SLMAP: variants seen among roughly 807,000 people sequenced by gnomAD.
The protein encoded by SLMAP is sarcolemmal membrane-associated protein.
A neutral mutation model predicts 128.8 loss-of-function variants in SLMAP; 44 were observed. The observed-to-expected ratio is 0.34, with a 90% CI of 0.27 to 0.44. The LOEUF (loss-of-function observed/expected upper bound fraction) is 0.44. Ranked by LOEUF, SLMAP falls within the 20% of genes least tolerant of loss-of-function variation. SLMAP has a pLI of 1.00. For synonymous variants in SLMAP, 327 were observed against 348.8 expected, an observed-to-expected ratio of 0.94 and a Z score of 0.70; for missense variants, 787 against 985.3, an observed-to-expected ratio of 0.80 and a Z score of 2.69.
intron 17 of SLMAP, among the ~76,000 whole-genome samples, chr3:57,906,202 ATC>A (rs1050320801): frequency 6.6e-5 from 10 of 151,014 alleles, no homozygotes; most frequent in African/African-American, 2.2e-4. Context: ...CACTGGAAAA[ATC>A]TCTCTCTCTA....
intron 21 of SLMAP, among the ~76,000 whole-genome samples, chr3:57,913,668 T>C (rs1188186402): frequency 6.6e-6 from 1 of 152,184 alleles, no homozygotes; most frequent in Non-Finnish European, 1.5e-5. Context: ...TAATGAAGAA[T>C]TTGTAAGGCT....
At chr3:57,861,020 A>G (rs1416864272) in intron 9 of SLMAP, among the ~76,000 whole-genome samples, 181 bp downstream of exon 9, 1 of 152,192 alleles carries the variant, frequency 6.6e-6, no homozygotes, top group Non-Finnish European at 1.5e-5. Flanking sequence ...GAGTTTTGGT[A>G]CTTACTCCCT....
At chr3:57,818,656 T>G (rs1001395671) in intron 2 of SLMAP, among the ~76,000 whole-genome samples, 4 of 152,362 alleles carry the variant, frequency 2.6e-5, no homozygotes, top group African/African-American at 9.6e-5. Flanking sequence ...TTGCTTTCTC[T>G]TGTTAAAACT....
At chr3:57,856,057 A>G (rs2094771484) in intron 6 of SLMAP, among the ~76,000 whole-genome samples, 1 of 151,908 alleles carries the variant, frequency 6.6e-6, no homozygotes, top group South Asian at 2.1e-4. Flanking sequence ...AAAGAAAAAA[A>G]AAAAAATTAA....
intron 2 of SLMAP, among the ~76,000 whole-genome samples, chr3:57,764,203 C>T (rs546907563): frequency 2.6e-4 from 40 of 152,120 alleles, no homozygotes; most frequent in Middle Eastern, 3.4e-3. Context: ...TACCAAACCC[C>T]TGTTTAAGAA....
At chr3:57,816,898 T>C (rs985930045) in intron 2 of SLMAP, among the ~76,000 whole-genome samples, 1 of 152,106 alleles carries the variant, frequency 6.6e-6, no homozygotes, top group Non-Finnish European at 1.5e-5. Context: ...AAGAGCAGCA[T>C]AAGGAAAGAC....
intron 2 of SLMAP, among the ~76,000 whole-genome samples, chr3:57,814,330 A>C (rs986078182): frequency 6.6e-6 from 1 of 151,876 alleles, no homozygotes; most frequent in Non-Finnish European, 1.5e-5. Context: ...TTGTAGAGAC[A>C]GGGTCTCACT....
chr3:57,820,890 G>A (rs1277061015), intron 2 of SLMAP, among the ~76,000 whole-genome samples: 1 of 152,130 alleles, frequency 6.6e-6, no homozygotes, highest in African/African-American at 2.4e-5. Context: ...GCCCCATTAA[G>A]GTCCAGGCCC....
At position 57,925,806 on chromosome 3, in the gene SLMAP, A is replaced by G. The variant is rs535172208; in HGVS notation, c.2446-39A>G. 178 of 1,423,746 alleles carry G rather than the reference A, an allele frequency of 1.3e-4. No homozygotes were observed. The African/African-American group carries it at 2.2e-3, about 18-fold the overall frequency. 88.2% of individuals were successfully genotyped at this position (1,423,746 alleles called of 1,614,324 possible). On this transcript the variant is annotated intron_variant, in intron 23 of 24. Transcript: ENST00000671191. Reference sequence around the variant, plus strand: ...TGAATCCTCTTATCTGATTACTTTCATAGCATAAAATGATTTTAATATGCC... The same window carrying G: ...TGAATCCTCTTATCTGATTACTTTCGTAGCATAAAATGATTTTAATATGCC...
At chr3:57,807,075 G>A (rs960769455) in intron 2 of SLMAP, among the ~76,000 whole-genome samples, 8 of 152,246 alleles carry the variant, frequency 5.3e-5, no homozygotes, top group African/African-American at 1.7e-4. Context: ...GTGTGAGATG[G>A]TATCTCACTG....
chr3:57,891,192 A>T (rs2096060787), intron 15 of SLMAP: 1 of 151,752 alleles, frequency 6.6e-6, no homozygotes, highest in Admixed American at 6.6e-5. Flanking sequence ...CAGCACTTTG[A>T]AGTAGAGCCT....
chr3:57,836,560 A>G (rs536428726), intron 3 of SLMAP, among the ~76,000 whole-genome samples: 1 of 152,006 alleles, frequency 6.6e-6, no homozygotes, highest in East Asian at 1.9e-4. Context: ...CTGGTCTCGA[A>G]CTCCTGGCCT....
chr3:57,913,391 T>C lies in SLMAP; in HGVS notation c.2138+116T>C. The C allele has an allele frequency of 7.3e-6, 4 of 549,304 alleles. No homozygotes were observed. In the East Asian group the frequency reaches 1.2e-4, roughly 16 times the overall value. 34.0% of individuals were successfully genotyped at this position (549,304 alleles called of 1,614,324 possible). On this transcript the variant is annotated intron_variant, in intron 21 of 24. Transcript: ENST00000671191. ...TTTACAGGAGCAAATGTTCAGCCCATCTCTGTTTGGCTATTTGGCAGGTTA... is the reference window on the plus strand; with the variant it reads ...TTTACAGGAGCAAATGTTCAGCCCACCTCTGTTTGGCTATTTGGCAGGTTA...
At chr3:57,829,226 T>G (rs2093160612) in intron 2 of SLMAP, among the ~76,000 whole-genome samples, 3 of 152,234 alleles carry the variant, frequency 2.0e-5, no homozygotes, top group Admixed American at 2.0e-4. Context: ...AACAGTGTTG[T>G]TAAACAGTAA....
intron 14 of SLMAP, among the ~76,000 whole-genome samples, chr3:57,886,661 A>T (rs1349457333): frequency 5.9e-5 from 9 of 151,324 alleles, no homozygotes; most frequent in African/African-American, 2.2e-4. Flanking sequence ...AATGAATTCC[A>T]GAGGGGGAGA....
intron 22 of SLMAP, among the ~76,000 whole-genome samples, chr3:57,920,379 A>G (rs1407092359): frequency 1.3e-5 from 2 of 152,138 alleles, no homozygotes; most frequent in Non-Finnish European, 2.9e-5. Context: ...CTGTACCTAT[A>G]TCTTTCTTCT....
chr3:57,878,405 T>C (rs1231509617), intron 14 of SLMAP, among the ~76,000 whole-genome samples: 4 of 152,242 alleles, frequency 2.6e-5, no homozygotes, highest in African/African-American at 9.6e-5. Context: ...TGTATTGATA[T>C]TCTAATCTCA....
intron 2 of SLMAP, among the ~76,000 whole-genome samples, chr3:57,823,114 G>C (rs533906069): frequency 6.6e-6 from 1 of 152,254 alleles, no homozygotes; most frequent in South Asian, 2.1e-4. Context: ...ATGGCCCATT[G>C]CTGGGGGGAA....
chr3:57,770,784 T>C (rs1400941083), intron 2 of SLMAP, among the ~76,000 whole-genome samples: 1 of 152,236 alleles, frequency 6.6e-6, no homozygotes, highest in Admixed American at 6.5e-5. Flanking sequence ...AGGCAGTCAA[T>C]AGCTTGTGGC....
Sources: gnomAD v4.1 joint callset for allele counts (sites outside exome capture counted in the v4.1 genomes callset) on GRCh38, gnomAD v4.1.1 for gene constraint, MANE v1.5 for transcripts, NCBI Gene and HGNC (gene_info 2026-07-23, HGNC 2026-07-21) for gene names.